The following ADGRL1 variants were observed in gnomAD, a reference collection of about 807,000 sequenced individuals.
The protein encoded by ADGRL1 is adhesion G protein-coupled receptor L1.
Under a neutral mutation model 148.9 loss-of-function variants are expected in ADGRL1, and 31 were observed. The observed-to-expected ratio is 0.21, with a 90% confidence interval of 0.16 to 0.28. The LOEUF is 0.28. Among genes scored for constraint, ADGRL1 ranks in the 10% least tolerant of loss-of-function variants. The probability of loss-of-function intolerance (pLI) is 1.00; values close to 1 mark genes in which losing one functional copy is unlikely to be tolerated. For missense variants in ADGRL1, 1,521 were observed against 2,058.8 expected (o/e 0.74, Z 5.05); for synonymous variants, 937 against 900.3 (o/e 1.04, Z -0.73).
rs755456988 is a variant in ADGRL1 at position 14,151,597 on chromosome 19, C to T, written c.3686G>A (p.Arg1229Gln). The T allele has an allele frequency of 1.2e-5, 19 of 1,602,966 alleles. No homozygotes were observed. In the South Asian group the frequency reaches 1.2e-4, roughly 10 times the overall value. Reference protein sequence around the residue: ...YREPKHPLGGREACGMDTLPL... With the variant: ...YREPKHPLGGQEACGMDTLPL... ...CAGGGTGTCCATGCCACAGGCTTCC[C>T]GGCCTCCCAAGGGGTGCTCTGCAGG... is the stretch of plus-strand genomic sequence containing the variant. Residue 1229 changes from arginine to glutamine, a missense_variant, in exon 23 of 23, where the codon CGG becomes CAG. By Grantham distance (43) the Arg-to-Gln change is conservative. Around this residue, in one of 8 missense-constraint regions of ADGRL1, gnomAD observed 390 missense variants for 375.0 expected, o/e 1.04. Coordinates refer to ENST00000361434, the MANE Select transcript of ADGRL1 (RefSeq NM_014921.5).
intron 18 of ADGRL1, among the ~76,000 whole-genome samples, chr19:14,153,463 T>C (rs1968419077): frequency 6.9e-6 from 1 of 145,710 alleles, no homozygotes; most frequent in South Asian, 2.2e-4. Flanking sequence ...TCACTCGGGC[T>C]GGAGTGCAAT....
Position 14,177,493 on chromosome 19 carries a change from G to T in ADGRL1, c.284+38C>A, listed in dbSNP as rs1033608702. ...GGCAGGTGTGCAGTGCTTTTAGGCG[G>T]GCACTTCATCCAGGAACTGCCACGA... On this transcript the variant is annotated intron_variant, in intron 3 of 22. Coordinates refer to ENST00000361434, the MANE Select transcript of ADGRL1 (RefSeq NM_014921.5). 1.9e-6 allele frequency: 3 copies of T among 1,584,714 alleles called. No homozygotes were observed. In the South Asian group the frequency reaches 3.3e-5, roughly 18 times the overall value.
intron 4 of ADGRL1, among the ~76,000 whole-genome samples, 193 bp from the exon 5 acceptor site, chr19:14,163,599 G>T (rs1318747813): frequency 1.3e-5 from 2 of 152,072 alleles, no homozygotes; most frequent in African/African-American, 4.8e-5. Flanking sequence ...GATGGGAAGG[G>T]GGTTTCCGGG....
In ADGRL1 at chr19:14,170,734, G is replaced by A. The variant is rs149098258; in HGVS notation, c.342C>T (p.Pro114=). Residue 114 remains proline (P), a synonymous_variant, in exon 4 of 23, where the codon CCC becomes CCT. Coordinates refer to ENST00000361434, the MANE Select transcript of ADGRL1 (RefSeq NM_014921.5). The stretch of plus-strand genomic sequence containing the variant: ...CCAGGTACTTGTAGGTCCCAGGACA[G>A]GGGTCAGGAAAGGCATCCGAGCCGG... ...VVAGSDAFPD[P]CPGTYKYLEV... 1.8e-5 allele frequency: 29 copies of A among 1,613,542 alleles called. No individual in the cohort carries two copies. In the African/African-American group the frequency reaches 3.7e-4, roughly 21 times the overall value.
intron 1 of ADGRL1, among the ~76,000 whole-genome samples, chr19:14,202,691 A>C (rs1015789216): frequency 4.6e-5 from 7 of 151,996 alleles, no homozygotes; most frequent in African/African-American, 1.7e-4. Context: ...TTGCATGACA[A>C]GGTGCACCCA....
rs1193084518 is a variant in ADGRL1, at chr19:14,152,655, C to T, written c.3424-42G>A. On this transcript the variant is annotated intron_variant, in intron 19 of 22. Transcript: ENST00000361434. This position sits in a 1 kb window ranked among gnomAD's most constrained non-coding sequence, Gnocchi z 6.1. ...AATGTGAGGGGATCCTTGGGCCACC[C>T]ACCCTCTGGCGTCTTTCTGAGACTG... The T allele has an allele frequency of 4.4e-6, 7 of 1,605,540 alleles. No homozygotes were observed. The highest frequency in any genetic ancestry group is 6.0e-6 in the Non-Finnish European group (7 of 1,173,000).
At chr19:14,204,713 T>TGAGTGAGA (rs1555693816) in intron 1 of ADGRL1, among the ~76,000 whole-genome samples, 1 of 142,890 alleles carries the variant, frequency 7.0e-6, no homozygotes, top group Non-Finnish European at 1.5e-5. Flanking sequence ...ACAGAGAGAG[T>TGAGTGAGA]GAGAGAGAGA....
chr19:14,183,224 A>C (rs1031678246), intron 2 of ADGRL1, among the ~76,000 whole-genome samples: 7 of 149,814 alleles, frequency 4.7e-5, no homozygotes, highest in African/African-American at 1.3e-4. Context: ...AGAGCGAGAG[A>C]GAGACAGAGA....
At position 14,157,522 on chromosome 19, in the gene ADGRL1, G is replaced by A; in HGVS notation, c.2536-62C>T. The A allele has an allele frequency of 3.2e-6, 5 of 1,544,062 alleles. No individual in the cohort carries two copies. The highest frequency in any genetic ancestry group is 4.5e-6 in the Non-Finnish European group (5 of 1,121,556). On this transcript the variant is annotated intron_variant, in intron 13 of 22. Transcript: ENST00000361434. The surrounding 1 kb of genome is among the most constrained non-coding windows in gnomAD (Gnocchi z 7.5). ...GGTTTTGCACGCTGGGCTCAGCCAG[G>A]TGCCAGCCACAGACAGGGCCCTGGG...
intron 3 of ADGRL1, among the ~76,000 whole-genome samples, chr19:14,174,022 A>C (rs1482942854): frequency 6.6e-6 from 1 of 150,892 alleles, no homozygotes; most frequent in African/African-American, 2.4e-5. Flanking sequence ...AGCGGAGAGG[A>C]AGCAGGACTA....
intron 2 of ADGRL1, among the ~76,000 whole-genome samples, chr19:14,181,657 T>C (rs1971205432): frequency 6.6e-6 from 1 of 150,786 alleles, no homozygotes; most frequent in Non-Finnish European, 1.5e-5. Flanking sequence ...GAGGCAGAGG[T>C]TGCAGTGAGC....
chr19:14,176,564 C>T (rs953863058), intron 3 of ADGRL1, among the ~76,000 whole-genome samples: 8 of 151,934 alleles, frequency 5.3e-5, no homozygotes, highest in Admixed American at 2.0e-4. Flanking sequence ...TGGGTGGGTG[C>T]GGTGGCTCAT....
chr19:14,156,200 A>G lies in ADGRL1; in HGVS notation c.3035T>C (p.Val1012Ala). ...FIGPVSFVIVVNLVFLMVTLH... is the reference protein window; with the variant it reads ...FIGPVSFVIVANLVFLMVTLH... ...GGTCACCATGAGGAACACCAGGTTG[A>G]CCTGGGGGCGGGACAAGGGGCAGGC... Residue 1012 changes from valine (V) to alanine (A), a missense_variant and splice_region_variant, in exon 17 of 23, where the codon GTC becomes GCC. This residue lies in a region of ADGRL1 where 185 missense variants were observed against 251.7 expected (regional missense o/e 0.74). Transcript: ENST00000361434. The G allele has an allele frequency of 1.2e-6, 2 of 1,611,172 alleles. No homozygotes were observed. The highest frequency in any genetic ancestry group is 1.7e-6 in the Non-Finnish European group (2 of 1,179,086).
chr19:14,170,148 C>A, intron 4 of ADGRL1: 1 of 153,724 alleles, frequency 6.5e-6, no homozygotes, highest in Non-Finnish European at 1.4e-5. Context: ...GTCCAGCTTC[C>A]ATGATTGGGA....
rs138392755 is a variant in ADGRL1 at position 14,161,527 on chromosome 19, G to A, written c.1295C>T (p.Ala432Val). 87 of 1,448,278 alleles carry A rather than the reference G, an allele frequency of 6.0e-5. No homozygotes were observed. Among genetic ancestry groups the A allele is most frequent in the Admixed American group, 4.1e-4 (14 of 34,556 alleles). The allele number at this position is 1,448,278 out of a possible 1,614,324, so 89.7% of individuals were successfully genotyped here. ...SPAATTPLRR[A>V]PLTTHPVGAI... ...ACCCACTGGGTGCGTGGTGAGGGGT[G>A]CCCGGCGGAGCGGGGTGGTGGCTGC... Residue 432 changes from alanine to valine, a missense_variant, in exon 6 of 23, where the codon GCA becomes GTA. Around this residue, in one of 8 missense-constraint regions of ADGRL1, gnomAD observed 270 missense variants for 320.4 expected, o/e 0.84. Transcript: ENST00000361434. This position sits in a 1 kb window ranked among gnomAD's most constrained non-coding sequence, Gnocchi z 4.4.
At chr19:14,158,988 C>G (rs1568576251) in intron 11 of ADGRL1, 102 bp downstream of exon 11, 1 of 1,427,020 alleles carries the variant, frequency 7.0e-7, no homozygotes, top group Non-Finnish European at 9.6e-7. Flanking sequence ...GAGAAAAGGT[C>G]AGCACCGCTG....
chr19:14,191,162 C>T (rs1233863177), intron 1 of ADGRL1: 4 of 456,608 alleles, frequency 8.8e-6, no homozygotes, highest in Admixed American at 2.3e-5. Context: ...CTCTGACTCC[C>T]GCCTTGTCTC....
intron 3 of ADGRL1, among the ~76,000 whole-genome samples, chr19:14,172,250 T>C (rs1970522939): frequency 6.6e-6 from 1 of 151,972 alleles, no homozygotes; most frequent in African/African-American, 2.4e-5. Context: ...AGTGAAACCC[T>C]GTCTCTACTA....
At chr19:14,184,849 C>A (rs1365730557) in intron 1 of ADGRL1, among the ~76,000 whole-genome samples, 2 of 151,980 alleles carry the variant, frequency 1.3e-5, no homozygotes, top group East Asian at 3.9e-4. Context: ...CCGTGTTAGC[C>A]AGGATGGTCT....
Sources: allele counts gnomAD v4.1 joint callset (sites outside exome capture counted in the v4.1 genomes callset), GRCh38; gene constraint gnomAD v4.1.1; regional missense constraint gnomAD v4.1.1; non-coding constraint Gnocchi (gnomAD v3.1); transcripts MANE v1.5; gene names NCBI Gene and HGNC (gene_info 2026-07-23, HGNC 2026-07-21).